FTO: variants seen among roughly 807,000 people sequenced by gnomAD.
FTO encodes alpha-ketoglutarate-dependent dioxygenase FTO.
A neutral mutation model predicts 63.9 loss-of-function variants in FTO; 47 were observed. The observed-to-expected ratio is 0.74, with a 90% CI of 0.58 to 0.94. The LOEUF (loss-of-function observed/expected upper bound fraction) is 0.94, where lower values mean the gene tolerates loss of function less well. FTO is among the 40% of genes least tolerant of loss of function. The pLI is 0.00. For synonymous variants in FTO, 207 were observed against 224.4 expected, an observed-to-expected ratio of 0.92 and a Z score of 0.69; for missense variants, 562 against 618.1, an observed-to-expected ratio of 0.91 and a Z score of 0.96.
intron 1 of FTO, among the ~76,000 whole-genome samples, chr16:53,807,652 A>G (rs903374837): frequency 2.0e-5 from 3 of 152,156 alleles, no homozygotes; most frequent in East Asian, 3.9e-4. Flanking sequence ...CAAGGTGGAG[A>G]CATTTCAAGG....
intron 5 of FTO, among the ~76,000 whole-genome samples, chr16:53,879,095 GGCATTTGA>G (rs748362530): frequency 6.6e-6 from 1 of 151,970 alleles, no homozygotes; most frequent in Non-Finnish European, 1.5e-5. Context: ...TTAGTCTCAG[GGCATTTGA>G]GATAAAAAGT....
intron 2 of FTO, among the ~76,000 whole-genome samples, chr16:53,817,943 T>A (rs558079812): frequency 6.6e-6 from 1 of 152,164 alleles, no homozygotes; most frequent in East Asian, 1.9e-4. Context: ...ACCAGACAAC[T>A]GCTAATATAA....
chr16:54,110,051 G>T (rs948710614), intron 8 of FTO, among the ~76,000 whole-genome samples: 1 of 152,124 alleles, frequency 6.6e-6, no homozygotes, highest in Non-Finnish European at 1.5e-5. Flanking sequence ...GTAATTAGTC[G>T]CAGCTTTCCT....
chr16:53,911,138 A>T, intron 7 of FTO: 2 of 491,094 alleles, frequency 4.1e-6, no homozygotes, highest in Non-Finnish European at 7.3e-6. Flanking sequence ...TTTCATGCCT[A>T]TCATGTGCCA....
intron 3 of FTO, among the ~76,000 whole-genome samples, chr16:53,828,674 A>G (rs2079071749): frequency 6.6e-6 from 1 of 152,218 alleles, no homozygotes; most frequent in African/African-American, 2.4e-5. Flanking sequence ...CAAAATAGTA[A>G]TGAAGTACTA....
intron 4 of FTO, among the ~76,000 whole-genome samples, chr16:53,865,895 T>C (rs2080299470): frequency 6.6e-6 from 1 of 152,248 alleles, no homozygotes; most frequent in South Asian, 2.1e-4. Flanking sequence ...TTGTTTTCTT[T>C]TCCTGTCTTA....
chr16:53,870,700 T>C (rs2080469227), intron 4 of FTO, among the ~76,000 whole-genome samples: 1 of 152,226 alleles, frequency 6.6e-6, no homozygotes, highest in Non-Finnish European at 1.5e-5. Context: ...GTTATAAACC[T>C]CAGAATACAT....
In FTO at chr16:53,914,068, G is replaced by A. The variant is rs80276957; in HGVS notation, c.1240-19917G>A. Among the ~76,000 whole-genome samples the A allele has an allele frequency of 2.2e-4, 34 of 152,010 alleles. No homozygotes were observed. The East Asian group carries it at 5.4e-3, about 24-fold the overall frequency. ...CATTGTCCTGCCCCAGTGGAGGACAGCGTCTTCTCACGATCACTTCCCAGG... is the reference window on the plus strand; with the variant it reads ...CATTGTCCTGCCCCAGTGGAGGACAACGTCTTCTCACGATCACTTCCCAGG... On this transcript the variant is annotated intron_variant, in intron 7 of 8. Coordinates refer to ENST00000471389, the MANE Select transcript of FTO (RefSeq NM_001080432.3).
chr16:53,961,457 T>A (rs1180280524), intron 8 of FTO, among the ~76,000 whole-genome samples: 1 of 152,254 alleles, frequency 6.6e-6, no homozygotes, highest in Non-Finnish European at 1.5e-5. Flanking sequence ...TTTATGGTAA[T>A]TGCTGTCTAT....
chr16:54,111,908 A>T lies in FTO; in HGVS notation c.1511A>T (p.Lys504Ile). The T allele has an allele frequency of 1.2e-6, 2 of 1,614,058 alleles. No homozygotes were observed. Among genetic ancestry groups the T allele is most frequent in the Non-Finnish European group, 1.7e-6 (2 of 1,180,008 alleles). The stretch of plus-strand genomic sequence containing the variant: ...CTCAGAGGTCAGCTTCTGGAAGCAA[A>T]ACCCTAGAAGGAGCACAAGTCTCAG... The part of the protein sequence containing the change: ...SELRGQLLEA[K>I]P The change falls in exon 9 of 9, where the codon AAA (lysine) becomes ATA (isoleucine). Residue 504 changes from lysine (K) to isoleucine (I), a missense_variant. Physicochemically the swap from Lys to Ile is moderately radical, Grantham distance 102. Coordinates refer to ENST00000471389, the MANE Select transcript of FTO (RefSeq NM_001080432.3).
chr16:54,115,930 T>C lies in FTO; in HGVS notation c.*4015T>C, dbSNP rs895615903. The stretch of plus-strand genomic sequence containing the variant: ...CAAGATGGCCTGCGGCCCCTCTAGA[T>C]TGCCTGCCTACAGAGTTCACTCTAA... On this transcript the variant is annotated 3_prime_UTR_variant, in exon 9 of 9. Transcript: ENST00000471389. 3.9e-5 allele frequency: 6 copies of C among 152,206 alleles called. No homozygotes were observed. Among genetic ancestry groups the C allele is most frequent in the Non-Finnish European group, 7.3e-5 (5 of 68,066 alleles). 9.4% of individuals were successfully genotyped at this position (152,206 alleles called of 1,614,324 possible).
intron 8 of FTO, among the ~76,000 whole-genome samples, chr16:53,975,807 G>A (rs1307204663): frequency 6.6e-6 from 1 of 152,124 alleles, no homozygotes; most frequent in Admixed American, 6.5e-5. Context: ...CCCAAGCAAT[G>A]AAGATTTATA....
At chr16:53,859,451 A>G (rs1388816293) in intron 4 of FTO, among the ~76,000 whole-genome samples, 2 of 150,630 alleles carry the variant, frequency 1.3e-5, no homozygotes, top group Admixed American at 6.6e-5. Flanking sequence ...GTATAAAAAT[A>G]TATATCACTA....
chr16:53,849,579 TCTTA>T (rs1281463700), intron 4 of FTO, among the ~76,000 whole-genome samples: 1 of 152,190 alleles, frequency 6.6e-6, no homozygotes, highest in Non-Finnish European at 1.5e-5. Context: ...TAGTAATCAG[TCTTA>T]CTTTGGTGGA....
rs61492874 is a variant in FTO at position 53,829,773 on chromosome 16, C to T, written c.751+3282C>T. ...AATAGGGAGGTAATAGGTGGGCTCT[C>T]GTGATTATAATTATGAAATGATGAA... On this transcript the variant is annotated intron_variant, in intron 3 of 8. Coordinates refer to ENST00000471389, the MANE Select transcript of FTO (RefSeq NM_001080432.3). 5.3e-3 allele frequency among the ~76,000 whole-genome samples: 802 copies of T among 152,096 alleles called. 6 individuals are homozygous for T. Among genetic ancestry groups the T allele is most frequent in the African/African-American group, 0.018 (752 of 41,488 alleles).
At chr16:53,874,063 G>T (rs1019275706) in intron 5 of FTO, among the ~76,000 whole-genome samples, 198 bp downstream of exon 5, 1 of 152,180 alleles carries the variant, frequency 6.6e-6, no homozygotes, top group African/African-American at 2.4e-5. Flanking sequence ...TCATGCCATG[G>T]GATAAGTGTG....
chr16:53,752,691 C>T (rs1410974270), intron 1 of FTO, among the ~76,000 whole-genome samples: 1 of 152,192 alleles, frequency 6.6e-6, no homozygotes, highest in Non-Finnish European at 1.5e-5. Context: ...AATGATGCAG[C>T]AATTATGTGG....
At chr16:53,844,377 C>A in intron 4 of FTO, 79 bp downstream of exon 4, 2 of 1,138,206 alleles carry the variant, frequency 1.8e-6, no homozygotes, top group Non-Finnish European at 2.6e-6. Flanking sequence ...TTGAGTATGT[C>A]TTATGAAATA....
chr16:53,768,596 TTGG>T (rs1367830840), intron 1 of FTO, among the ~76,000 whole-genome samples: 2 of 152,142 alleles, frequency 1.3e-5, no homozygotes, highest in Non-Finnish European at 2.9e-5. Context: ...TAGCAGGACC[TTGG>T]TGGGATGGAT....
Sources: allele counts gnomAD v4.1 joint callset (sites outside exome capture counted in the v4.1 genomes callset), GRCh38; gene constraint gnomAD v4.1.1; transcripts MANE v1.5; gene names NCBI Gene and HGNC (gene_info 2026-07-23, HGNC 2026-07-21).